PARP16: variants seen among roughly 807,000 people sequenced by gnomAD.
PARP16 encodes the protein poly(ADP-ribose) polymerase family member 16.
In PARP16, 31 loss-of-function variants were observed where a neutral mutation model predicts 35.0. That is an observed-to-expected ratio of 0.88 (90% confidence interval 0.66 to 1.19). PARP16 has a LOEUF of 1.19. Among genes scored for constraint, PARP16 ranks in the 50% most tolerant of loss-of-function variants. PARP16 has a pLI of 0.00. For missense variants in PARP16, 424 were observed against 411.2 expected (o/e 1.03, Z -0.27); for synonymous variants, 162 against 169.5 (o/e 0.96, Z 0.34).
chr15:65,231,906 A>G (rs2088782081), downstream of PARP16, among the ~76,000 whole-genome samples: 10 of 151,910 alleles, frequency 6.6e-5, no homozygotes, highest in Admixed American at 6.6e-4. Flanking sequence ...TGGCAAATAC[A>G]GTTTTTGTTT....
At chr15:65,270,177 G>C (rs777158600) in intron 2 of PARP16, among the ~76,000 whole-genome samples, 12 of 152,214 alleles carry the variant, frequency 7.9e-5, no homozygotes, top group Admixed American at 6.5e-5. Context: ...TAAAGGAAGA[G>C]CACCAGAGCA....
intron 4 of PARP16, 70 bp downstream of exon 4, chr15:65,263,079 G>T: frequency 6.9e-7 from 1 of 1,440,232 alleles, no homozygotes; most frequent in Non-Finnish European, 9.6e-7. Context: ...CTACCCAACA[G>T]CTGGGCCAGC....
In PARP16 at chr15:65,286,109, C is replaced by CCAAGG. The variant is rs1453214952; in HGVS notation, c.174+139_174+143dup. 7 of 654,900 alleles carry CCAAGG rather than the reference C, an allele frequency of 1.1e-5. No homozygotes were observed. The African/African-American group carries it at 1.2e-4, about 11-fold the overall frequency. 40.6% of individuals were successfully genotyped at this position (654,900 alleles called of 1,614,324 possible). ...TGTTCTTAGCTCATGGAAACCTTCC[C>CCAAGG]CAAGGCAAGGCAAGACCAAGCTGGG... On this transcript the variant is annotated intron_variant, in intron 1 of 5. Coordinates refer to ENST00000649807, the MANE Select transcript of PARP16 (RefSeq NM_001316943.2).
intron 2 of PARP16, among the ~76,000 whole-genome samples, chr15:65,270,320 T>C (rs977780199): frequency 1.3e-5 from 2 of 152,206 alleles, no homozygotes; most frequent in Non-Finnish European, 2.9e-5. Flanking sequence ...ACACATTTTA[T>C]CAGTGCCCCA....
At chr15:65,241,140 T>A (rs1486871864) in intron 3 of PARP16, among the ~76,000 whole-genome samples, 1 of 12,590 alleles carries the variant, frequency 7.9e-5, no homozygotes, top group Non-Finnish European at 2.8e-4. Flanking sequence ...CTGTCCAAAC[T>A]TTTTTTTTTT....
rs1233896826 is a variant in PARP16, at chr15:65,273,276, C to CAAAA, written c.175-2208_175-2205dup. ...CTGGTGACAGAGAGAGACTCTGTCT[C>CAAAA]AAAAAAAAAAAAAAAAAAGAATACC... On this transcript the variant is annotated intron_variant, in intron 1 of 5. Coordinates refer to ENST00000649807, the MANE Select transcript of PARP16 (RefSeq NM_001316943.2). 2.4e-4 allele frequency among the ~76,000 whole-genome samples: 14 copies of CAAAA among 57,524 alleles called. 1 individual carries two copies. The highest frequency in any genetic ancestry group is 1.6e-3 in the East Asian group (2 of 1,280). The allele number at this position is 57,524 out of a possible 152,430, so 37.7% of individuals were successfully genotyped here.
chr15:65,274,623 T>C (rs1362587799), intron 1 of PARP16, among the ~76,000 whole-genome samples: 1 of 151,498 alleles, frequency 6.6e-6, no homozygotes, highest in Non-Finnish European at 1.5e-5. Flanking sequence ...TCCATGAGTA[T>C]TGGTGCTATT....
intron 3 of PARP16, among the ~76,000 whole-genome samples, chr15:65,247,798 CT>C (rs930896140): frequency 0.031 from 2,796 of 91,036 alleles, 22 homozygotes; most frequent in African/African-American, 0.08. Flanking sequence ...ATGGATTGTT[CT>C]TTTTTTTTTT....
At chr15:65,280,438 A>T (rs2090386996) in intron 1 of PARP16, among the ~76,000 whole-genome samples, 1 of 147,862 alleles carries the variant, frequency 6.8e-6, no homozygotes, top group Non-Finnish European at 1.5e-5. Flanking sequence ...ACTCGTCTCA[A>T]AAAAAAAAAA....
Sources: gnomAD v4.1 joint callset for allele counts (sites outside exome capture counted in the v4.1 genomes callset) on GRCh38, gnomAD v4.1.1 for gene constraint, MANE v1.5 for transcripts, NCBI Gene and HGNC (gene_info 2026-07-23, HGNC 2026-07-21) for gene names.